Variants in DOP1B observed in about 807,000 individuals in gnomAD.
DOP1B encodes protein DOP1B.
In DOP1B, 174 loss-of-function variants were observed where a neutral mutation model predicts 233.5. The ratio of observed to expected loss-of-function variants is 0.75; its 90% CI spans 0.66 to 0.85. The LOEUF (loss-of-function observed/expected upper bound fraction) is 0.85, where lower values mean the gene tolerates loss of function less well. DOP1B is among the 40% of genes least tolerant of loss of function. The pLI, the probability that DOP1B is intolerant of heterozygous loss-of-function variation, is 0.00. For missense variants in DOP1B, 2,652 were observed against 2,846.6 expected (o/e 0.93, Z 1.56); for synonymous variants, 1,190 against 1,185.6 (o/e 1.00, Z -0.08).
intron 2 of DOP1B, among the ~76,000 whole-genome samples, chr21:36,175,372 A>T (rs925556131): frequency 1.1e-4 from 16 of 151,724 alleles, no homozygotes; most frequent in African/African-American, 3.6e-4. Context: ...CGGCCTCCCA[A>T]AGTGCTGGGA....
intron 22 of DOP1B, among the ~76,000 whole-genome samples, chr21:36,253,227 G>A (rs905386092): frequency 7.9e-5 from 12 of 152,116 alleles, no homozygotes; most frequent in Admixed American, 2.6e-4. Context: ...TCCTGTCTTC[G>A]TATTTTTGAT....
chr21:36,199,593 G>T lies in DOP1B; in HGVS notation c.320+342G>T, dbSNP rs144281100. Among the ~76,000 whole-genome samples, 1,441 of 150,184 alleles carry T rather than the reference G, an allele frequency of 9.6e-3. 16 individuals are homozygous for T. Among genetic ancestry groups the T allele is most frequent in the African/African-American group, 0.033 (1,368 of 40,902 alleles). ...TAGTGCTATCCCTCCCCACTCCCCCGACCCCATGACAGGCCCCAGTGTGTG... is the reference window on the plus strand; with the variant it reads ...TAGTGCTATCCCTCCCCACTCCCCCTACCCCATGACAGGCCCCAGTGTGTG... On this transcript the variant is annotated intron_variant, in intron 3 of 36. Coordinates refer to ENST00000691173, the MANE Select transcript of DOP1B (RefSeq NM_001320714.2).
At chr21:36,222,203 G>A (rs2066632538) in intron 10 of DOP1B, among the ~76,000 whole-genome samples, 1 of 151,972 alleles carries the variant, frequency 6.6e-6, no homozygotes. Context: ...CCATTTAGTG[G>A]TACACTTCTG....
At chr21:36,232,724 G>A (rs767683621) in intron 14 of DOP1B, 80 bp from the exon 15 acceptor site, 1 of 1,577,748 alleles carries the variant, frequency 6.3e-7, no homozygotes, top group Non-Finnish European at 8.6e-7. Context: ...CAGATCTAGG[G>A]TGCTGTAGAA....
intron 4 of DOP1B, among the ~76,000 whole-genome samples, chr21:36,205,136 G>T (rs2066413101): frequency 6.6e-6 from 1 of 152,234 alleles, no homozygotes; most frequent in Non-Finnish European, 1.5e-5. Context: ...TCTTGTGACA[G>T]CTTGGCTTTC....
chr21:36,290,693 G>A (rs904609231), intron 35 of DOP1B, among the ~76,000 whole-genome samples: 2 of 152,146 alleles, frequency 1.3e-5, no homozygotes, highest in African/African-American at 4.8e-5. Flanking sequence ...GGGAGGCTGA[G>A]GCAGGAGAAT....
intron 27 of DOP1B, among the ~76,000 whole-genome samples, chr21:36,275,711 T>A (rs577005788): frequency 6.6e-6 from 1 of 152,204 alleles, no homozygotes; most frequent in Admixed American, 6.5e-5. Flanking sequence ...GAGAGATTCA[T>A]GGTCATGACA....
intron 23 of DOP1B, among the ~76,000 whole-genome samples, chr21:36,257,234 C>T (rs1601455566): frequency 6.6e-6 from 1 of 152,148 alleles, no homozygotes; most frequent in African/African-American, 2.4e-5. Flanking sequence ...CCTTCATGTG[C>T]TCTGCTCTCT....
chr21:36,193,264 G>C (rs1352556864), intron 2 of DOP1B, among the ~76,000 whole-genome samples: 1 of 152,222 alleles, frequency 6.6e-6, no homozygotes, highest in Non-Finnish European at 1.5e-5. Context: ...ATGAAGACTT[G>C]GAGAAACAGG....
At chr21:36,275,171 A>G (rs899445589) in intron 27 of DOP1B, among the ~76,000 whole-genome samples, 1 of 152,122 alleles carries the variant, frequency 6.6e-6, no homozygotes, top group African/African-American at 2.4e-5. Context: ...GGAGGATATC[A>G]AAGCCTATTT....
chr21:36,249,769 G>A (rs1392061064), intron 21 of DOP1B, among the ~76,000 whole-genome samples: 1 of 152,166 alleles, frequency 6.6e-6, no homozygotes, highest in African/African-American at 2.4e-5. Context: ...GACATCAGTT[G>A]AGAGCCCCCA....
chr21:36,262,434 G>C (rs898557757), intron 24 of DOP1B, among the ~76,000 whole-genome samples: 1 of 152,188 alleles, frequency 6.6e-6, no homozygotes, highest in Non-Finnish European at 1.5e-5. Context: ...GTGCTTCCTC[G>C]CTTTGGAGCG....
chr21:36,226,943 C>T (rs2066690955), intron 12 of DOP1B, among the ~76,000 whole-genome samples: 2 of 152,064 alleles, frequency 1.3e-5, no homozygotes, highest in African/African-American at 4.8e-5. Context: ...TGGTGGCTCA[C>T]GTCTGTAATC....
intron 12 of DOP1B, among the ~76,000 whole-genome samples, chr21:36,227,174 C>A (rs558739600): frequency 6.6e-6 from 1 of 150,784 alleles, no homozygotes; most frequent in Admixed American, 6.7e-5. Flanking sequence ...CACCACTGCA[C>A]TCCAGCCTGG....
intron 2 of DOP1B, among the ~76,000 whole-genome samples, chr21:36,175,029 G>A (rs879628369): frequency 6.6e-6 from 1 of 152,126 alleles, no homozygotes; most frequent in Admixed American, 6.5e-5. Context: ...AGGCCTCGCT[G>A]CCTGGCTTGG....
intron 10 of DOP1B, among the ~76,000 whole-genome samples, chr21:36,220,389 A>G (rs892054138): frequency 6.6e-5 from 10 of 152,214 alleles, no homozygotes; most frequent in African/African-American, 2.4e-4. Flanking sequence ...ACCATAAAAC[A>G]TTTTTACTTC....
chr21:36,178,886 GA>G (rs2066062787), intron 2 of DOP1B, among the ~76,000 whole-genome samples: 1 of 152,172 alleles, frequency 6.6e-6, no homozygotes, highest in Admixed American at 6.5e-5. Context: ...TTATCCCTGT[GA>G]AACCATCACC....
intron 4 of DOP1B, among the ~76,000 whole-genome samples, chr21:36,202,696 C>T (rs184531864): frequency 6.6e-6 from 1 of 152,334 alleles, no homozygotes; most frequent in Admixed American, 6.5e-5. Context: ...TGTTGGCTCT[C>T]CATTTCCCAA....
chr21:36,246,054 G>C lies in DOP1B; in HGVS notation c.4074G>C (p.Gln1358His). 1.2e-6 allele frequency: 2 copies of C among 1,614,112 alleles called. No individual in the cohort carries two copies. The highest frequency in any genetic ancestry group is 1.7e-6 in the Non-Finnish European group (2 of 1,180,040). The change falls in exon 19 of 37, where the codon CAG becomes CAC. Residue 1358 changes from glutamine to histidine, a missense_variant. Physicochemically the swap from Gln to His is conservative, Grantham distance 24. Transcript: ENST00000691173. This position sits in a 1 kb window ranked among gnomAD's most constrained non-coding sequence, Gnocchi z 5.1. ...SVEVLIRIMM[Q>H]LVSVAKSSEG... ...AGGTTTTGATCAGGATAATGATGCAGCTGGTCTCAGTGGCCAAGTCTTCGG... is the reference window on the plus strand; with the variant it reads ...AGGTTTTGATCAGGATAATGATGCACCTGGTCTCAGTGGCCAAGTCTTCGG...
Sources: allele counts gnomAD v4.1 joint callset (sites outside exome capture counted in the v4.1 genomes callset), GRCh38; gene constraint gnomAD v4.1.1; non-coding constraint Gnocchi (gnomAD v3.1); transcripts MANE v1.5; gene names NCBI Gene and HGNC (gene_info 2026-07-23, HGNC 2026-07-21).